PLEK2: variants seen among roughly 807,000 people sequenced by gnomAD.
The protein encoded by PLEK2 is pleckstrin-2.
Under a neutral mutation model 43.8 loss-of-function variants are expected in PLEK2, and 29 were observed. The ratio of observed to expected loss-of-function variants is 0.66; its 90% CI spans 0.49 to 0.90. The LOEUF (loss-of-function observed/expected upper bound fraction) is 0.90. PLEK2 is among the 40% of genes least tolerant of loss of function. PLEK2 has a pLI of 0.00. For missense variants in PLEK2, 398 were observed against 448.1 expected, an observed-to-expected ratio of 0.89 and a Z score of 1.01; for synonymous variants, 162 against 173.2, an observed-to-expected ratio of 0.94 and a Z score of 0.51.
intron 1 of PLEK2, among the ~76,000 whole-genome samples, chr14:67,410,910 C>T (rs1264930289): frequency 2.6e-5 from 4 of 152,042 alleles, no homozygotes; most frequent in African/African-American, 9.7e-5. Context: ...CCTTGGGAGG[C>T]TAAGGTGGGC....
At chr14:67,396,609 C>A (rs2086011525) in intron 2 of PLEK2, among the ~76,000 whole-genome samples, 1 of 152,254 alleles carries the variant, frequency 6.6e-6, no homozygotes, top group African/African-American at 2.4e-5. Flanking sequence ...CACCTCTCTG[C>A]ATGCATTCTC....
intron 1 of PLEK2, among the ~76,000 whole-genome samples, chr14:67,411,278 C>G (rs1347993383): frequency 2.0e-5 from 3 of 152,126 alleles, no homozygotes; most frequent in African/African-American, 7.2e-5. Flanking sequence ...CCTGGGCCAC[C>G]TGGGGTGGTG....
chr14:67,411,059 A>AC (rs926701625), intron 1 of PLEK2, among the ~76,000 whole-genome samples: 2 of 148,484 alleles, frequency 1.3e-5, no homozygotes, highest in Non-Finnish European at 3.0e-5. Flanking sequence ...AGGTGAGAGG[A>AC]CCACCTGAGC....
intron 1 of PLEK2, 97 bp from the exon 2 acceptor site, chr14:67,397,923 C>T (rs1449772297): frequency 2.4e-5 from 23 of 941,876 alleles, no homozygotes; most frequent in Non-Finnish European, 3.6e-5. Flanking sequence ...CCAGACTGTG[C>T]TGTGGAAATC....
At chr14:67,393,641 A>G (rs1380689508) in intron 3 of PLEK2, among the ~76,000 whole-genome samples, 1 of 152,002 alleles carries the variant, frequency 6.6e-6, no homozygotes, top group East Asian at 1.9e-4. Flanking sequence ...TTTAGTAGAG[A>G]TGGGGTTTCA....
intron 1 of PLEK2, among the ~76,000 whole-genome samples, chr14:67,406,455 G>T (rs1377304558): frequency 6.6e-6 from 1 of 152,062 alleles, no homozygotes; most frequent in East Asian, 1.9e-4. Flanking sequence ...AAGGAGGGGT[G>T]AGCATAGGAC....
intron 2 of PLEK2, among the ~76,000 whole-genome samples, chr14:67,396,061 C>G (rs544931539): frequency 1.3e-5 from 2 of 152,188 alleles, no homozygotes; most frequent in African/African-American, 4.8e-5. Flanking sequence ...TTTCCTGTGT[C>G]TAAGCATCAA....
intron 3 of PLEK2, among the ~76,000 whole-genome samples, chr14:67,393,523 G>A (rs10139684): frequency 0.15 from 22,611 of 151,912 alleles, 3,173 homozygotes; most frequent in East Asian, 0.42. Context: ...GCAAGATCTC[G>A]GCTAACTGTG....
intron 1 of PLEK2, among the ~76,000 whole-genome samples, chr14:67,400,173 T>G (rs1405582210): frequency 6.6e-6 from 1 of 152,222 alleles, no homozygotes; most frequent in Non-Finnish European, 1.5e-5. Flanking sequence ...TTGTGAACAC[T>G]GACTTGAGCC....
At chr14:67,398,560 C>G (rs778892352) in intron 1 of PLEK2, among the ~76,000 whole-genome samples, 3 of 138,084 alleles carry the variant, frequency 2.2e-5, no homozygotes, top group Non-Finnish European at 4.5e-5. Flanking sequence ...CTACCCTTCT[C>G]TTTATTCCTG....
chr14:67,393,708 C>T (rs894281130), intron 3 of PLEK2, among the ~76,000 whole-genome samples: 1 of 152,124 alleles, frequency 6.6e-6, no homozygotes, highest in Non-Finnish European at 1.5e-5. Flanking sequence ...CCTGCCTCAG[C>T]CTCCGAAAGT....
intron 7 of PLEK2, among the ~76,000 whole-genome samples, chr14:67,389,581 CAT>C (rs2085952288): frequency 6.6e-6 from 1 of 151,830 alleles, no homozygotes; most frequent in Non-Finnish European, 1.5e-5. Flanking sequence ...TGCATGTGTA[CAT>C]ATATATGTAT....
intron 2 of PLEK2, 41 bp from the exon 3 acceptor site, chr14:67,395,624 A>G: frequency 6.3e-7 from 1 of 1,588,216 alleles, no homozygotes; most frequent in South Asian, 1.1e-5. Flanking sequence ...ACTCAGGCAG[A>G]GCAAGAGGAC....
At chr14:67,406,057 GA>G (rs371465154) in intron 1 of PLEK2, among the ~76,000 whole-genome samples, 1 of 152,206 alleles carries the variant, frequency 6.6e-6, no homozygotes, top group East Asian at 1.9e-4. Context: ...TCAAGAGTTT[GA>G]GACCAGCCTG....
At chr14:67,396,472 T>G (rs1191003084) in intron 2 of PLEK2, among the ~76,000 whole-genome samples, 2 of 151,726 alleles carry the variant, frequency 1.3e-5, no homozygotes, top group Non-Finnish European at 2.9e-5. Context: ...CATCAGACCA[T>G]GCTCTCACTC....
rs1284721960 is a variant in PLEK2 at position 67,390,794 on chromosome 14, CCT to C, written c.772-50_772-49del. On this transcript the variant is annotated intron_variant, in intron 6 of 8. Coordinates refer to ENST00000216446, the MANE Select transcript of PLEK2 (RefSeq NM_016445.3). ...AGCTCATTGGTGACAGCTGCATGTCCCTCTCTCCTGTATCTATGCATGTAATG... is the reference window on the plus strand; with the variant it reads ...AGCTCATTGGTGACAGCTGCATGTCCCTCTCCTGTATCTATGCATGTAATG... The C allele has an allele frequency of 3.2e-6, 4 of 1,266,398 alleles. No individual in the cohort carries two copies. The South Asian group carries it at 4.8e-5, about 15-fold the overall frequency. The allele number at this position is 1,266,398 out of a possible 1,614,324, so 78.4% of individuals were successfully genotyped here.
At chr14:67,406,258 CAAAA>C (rs56885080) in intron 1 of PLEK2, among the ~76,000 whole-genome samples, 1 of 107,224 alleles carries the variant, frequency 9.3e-6, no homozygotes. Flanking sequence ...GATTCCATCT[CAAAA>C]AAAAAAAAAA....
At chr14:67,397,595 C>G in intron 2 of PLEK2, 67 bp downstream of exon 2, 2 of 1,381,684 alleles carry the variant, frequency 1.4e-6, no homozygotes, top group South Asian at 2.9e-5. Flanking sequence ...CACCACTTTC[C>G]CAAAGAGGCC....
intron 1 of PLEK2, among the ~76,000 whole-genome samples, chr14:67,408,689 A>G (rs1403607850): frequency 6.6e-6 from 1 of 152,202 alleles, no homozygotes; most frequent in East Asian, 1.9e-4. Flanking sequence ...GAAGCTAGGA[A>G]GGATCCTCCT....
Sources: allele counts gnomAD v4.1 joint callset (sites outside exome capture counted in the v4.1 genomes callset), GRCh38; gene constraint gnomAD v4.1.1; transcripts MANE v1.5; gene names NCBI Gene and HGNC (gene_info 2026-07-23, HGNC 2026-07-21).